The following MATN1 variants were observed in gnomAD, a reference collection of about 807,000 sequenced individuals.
MATN1 encodes the protein matrilin-1.
A neutral mutation model predicts 41.3 loss-of-function variants in MATN1; 34 were observed. The ratio of observed to expected loss-of-function variants is 0.82; its 90% CI spans 0.63 to 1.10. The LOEUF is 1.10. MATN1 is among the 50% of genes least tolerant of loss of function. The pLI is 0.00. For synonymous variants in MATN1, 264 were observed against 278.7 expected, an observed-to-expected ratio of 0.95 and a Z score of 0.53; for missense variants, 602 against 662.4, an observed-to-expected ratio of 0.91 and a Z score of 1.00.
chr1:30,711,861 G>A lies in MATN1; in HGVS notation c.*1721C>T, dbSNP rs978389693. 5 of 152,336 alleles carry A rather than the reference G, an allele frequency of 3.3e-5. No individual in the cohort carries two copies. Among genetic ancestry groups the A allele is most frequent in the Admixed American group, 1.3e-4 (2 of 15,290 alleles). The allele number at this position is 152,336 out of a possible 1,614,324, so 9.4% of individuals were successfully genotyped here. On this transcript the variant is annotated 3_prime_UTR_variant, in exon 8 of 8. Coordinates refer to ENST00000373765, the MANE Select transcript of MATN1 (RefSeq NM_002379.3). ...GAATGAGCAGAGTCATAACTTCTCAGGTGGCTGTGTCAAGGAGCCTCCTTG... is the reference window on the plus strand; with the variant it reads ...GAATGAGCAGAGTCATAACTTCTCAAGTGGCTGTGTCAAGGAGCCTCCTTG...
At chr1:30,722,830 A>C (rs890497290) in intron 1 of MATN1, among the ~76,000 whole-genome samples, 1 of 152,218 alleles carries the variant, frequency 6.6e-6, no homozygotes, top group African/African-American at 2.4e-5. Context: ...ACCATGCAGC[A>C]GGCTCCCTGC....
At chr1:30,719,975 T>C (rs1396692711) in intron 2 of MATN1, 2 of 152,388 alleles carry the variant, frequency 1.3e-5, no homozygotes, top group African/African-American at 4.8e-5. Context: ...GACTCCTGGT[T>C]AGAAGCCAGA....
At position 30,713,555 on chromosome 1, in the gene MATN1, G is replaced by A; in HGVS notation, c.*27C>T. On this transcript the variant is annotated 3_prime_UTR_variant, in exon 8 of 8. Coordinates refer to ENST00000373765, the MANE Select transcript of MATN1 (RefSeq NM_002379.3). ...ACGGCGGACACGTGCAGGACGCTTGGAGAGGCCACAGTGGTGACAGGCAGC... is the reference window on the plus strand; with the variant it reads ...ACGGCGGACACGTGCAGGACGCTTGAAGAGGCCACAGTGGTGACAGGCAGC... The A allele has an allele frequency of 1.3e-6, 2 of 1,552,222 alleles. No homozygotes were observed. Among genetic ancestry groups the A allele is most frequent in the Non-Finnish European group, 1.7e-6 (2 of 1,147,108 alleles).
chr1:30,715,521 T>C (rs1475811220), intron 5 of MATN1, among the ~76,000 whole-genome samples: 1 of 152,246 alleles, frequency 6.6e-6, no homozygotes, highest in East Asian at 1.9e-4. Flanking sequence ...CTTCCTGTAC[T>C]GGAAGCTTTG....
chr1:30,717,047 G>T (rs1639627603), intron 3 of MATN1, 132 bp from the exon 4 acceptor site: 1 of 1,038,956 alleles, frequency 9.6e-7, no homozygotes, highest in Non-Finnish European at 1.3e-6. Context: ...AACATACTGG[G>T]GCCCAGGCCC....
rs1639543231 is a variant in MATN1, at chr1:30,711,529, C to T, written c.*2053G>A. ...GGCAAGAGTTTGGGATTGAAAGATC[C>T]CAAGAAGCTGGTCCCTGCCTTCATC... On this transcript the variant is annotated 3_prime_UTR_variant, in exon 8 of 8. Coordinates refer to ENST00000373765, the MANE Select transcript of MATN1 (RefSeq NM_002379.3). 1 of 152,152 alleles carries T rather than the reference C, an allele frequency of 6.6e-6. No individual in the cohort carries two copies. The highest frequency in any genetic ancestry group is 1.5e-5 in the Non-Finnish European group (1 of 68,044). The allele number at this position is 152,152 out of a possible 1,614,324, so 9.4% of individuals were successfully genotyped here.
At position 30,716,865 on chromosome 1, in the gene MATN1, T is replaced by A. The variant is rs150581338; in HGVS notation, c.715A>T (p.Ile239Phe). ...TGDHDCEQVC[I>F]SSPGSYTCAC... The stretch of plus-strand genomic sequence containing the variant: ...CAGGTGTAGGAACCGGGGGAGCTGA[T>A]GCACACCTGCTCACAGTCATGGTCC... Residue 239 changes from isoleucine to phenylalanine, a missense_variant, in exon 4 of 8, where the codon ATC (isoleucine) becomes TTC (phenylalanine). Ile to Phe is a conservative substitution (Grantham distance 21). Coordinates refer to ENST00000373765, the MANE Select transcript of MATN1 (RefSeq NM_002379.3). 37 of 1,613,824 alleles carry A rather than the reference T, an allele frequency of 2.3e-5. No individual in the cohort carries two copies. In the African/African-American group the frequency reaches 4.9e-4, roughly 22 times the overall value.
At chr1:30,722,097 A>G (rs1174339966) in intron 1 of MATN1, among the ~76,000 whole-genome samples, 1 of 152,206 alleles carries the variant, frequency 6.6e-6, no homozygotes, top group Non-Finnish European at 1.5e-5. Flanking sequence ...AGCAATGAGT[A>G]TTCCAGGGGT....
At chr1:30,717,942 C>G (rs1246078732) in intron 3 of MATN1, among the ~76,000 whole-genome samples, 1 of 152,164 alleles carries the variant, frequency 6.6e-6, no homozygotes, top group Non-Finnish European at 1.5e-5. Context: ...CGTGAGCCAC[C>G]GCGCCCGGCC....
chr1:30,714,434 G>T, intron 6 of MATN1, 107 bp from the exon 7 acceptor site: 1 of 880,658 alleles, frequency 1.1e-6, no homozygotes, highest in Non-Finnish European at 1.9e-6. Flanking sequence ...TCCCGGGGAG[G>T]TGAGGGGCTT....
In MATN1 at chr1:30,721,752, C is replaced by T. The variant is rs1639698828; in HGVS notation, c.95-1G>A. ...GTGGGCCGCGTCCGGCAGAGATGGCCTGGGAGTGGGGCAGGAGGGGTAAGG... is the reference window on the plus strand; with the variant it reads ...GTGGGCCGCGTCCGGCAGAGATGGCTTGGGAGTGGGGCAGGAGGGGTAAGG... On this transcript the variant is annotated splice_acceptor_variant, in intron 1 of 7. Coordinates refer to ENST00000373765, the MANE Select transcript of MATN1 (RefSeq NM_002379.3). LOFTEE classifies it high-confidence loss of function. 23 of 1,605,962 alleles carry T rather than the reference C, an allele frequency of 1.4e-5. 1 individual carries two copies. The East Asian group carries it at 4.2e-4, about 30-fold the overall frequency.
rs546771525 is a variant in MATN1, at chr1:30,711,739, C to G, written c.*1843G>C. On this transcript the variant is annotated 3_prime_UTR_variant, in exon 8 of 8. Coordinates refer to ENST00000373765, the MANE Select transcript of MATN1 (RefSeq NM_002379.3). ...CCCTCTCCTCCTCCTTGGGGACACA[C>G]TGCTGAGCCTTCTCAGTCCATATCA... 1 of 152,422 alleles carries G rather than the reference C, an allele frequency of 6.6e-6. No individual in the cohort carries two copies. The highest frequency in any genetic ancestry group is 1.9e-4 in the East Asian group (1 of 5,188). 9.4% of individuals were successfully genotyped at this position (152,422 alleles called of 1,614,324 possible).
chr1:30,713,265 A>C lies in MATN1; in HGVS notation c.*317T>G. The C allele has an allele frequency of 2.6e-6, 1 of 381,416 alleles. No individual in the cohort carries two copies. Among genetic ancestry groups the C allele is most frequent in the African/African-American group, 2.0e-5 (1 of 50,252 alleles). 23.6% of individuals were successfully genotyped at this position (381,416 alleles called of 1,614,324 possible). A position where few individuals can be genotyped will look rare whatever the true frequency, so the allele number is the denominator to read the frequency against. On this transcript the variant is annotated 3_prime_UTR_variant, in exon 8 of 8. Transcript: ENST00000373765. ...GGTTAACTAAAAAAGATGGGAATATATTAAGCTTTTGATTATAAAAATGCA... is the reference window on the plus strand; with the variant it reads ...GGTTAACTAAAAAAGATGGGAATATCTTAAGCTTTTGATTATAAAAATGCA...
At chr1:30,715,371 C>T (rs971634434) in intron 5 of MATN1, 62 bp from the exon 6 acceptor site, 2 of 1,577,044 alleles carry the variant, frequency 1.3e-6, no homozygotes, top group Non-Finnish European at 1.7e-6. Context: ...ATGGCTGAGC[C>T]TCCTGGGGAA....
rs1405055472 is a variant in MATN1, at chr1:30,714,255, G to T, written c.1433C>A (p.Thr478Asn). 1 of 1,606,116 alleles carries T rather than the reference G, an allele frequency of 6.2e-7. No individual in the cohort carries two copies. The highest frequency in any genetic ancestry group is 8.5e-7 in the Non-Finnish European group (1 of 1,176,208). Residue 478 changes from threonine (T) to asparagine (N), a missense_variant, in exon 7 of 8, where the codon ACC becomes AAC. Transcript: ENST00000373765. Reference protein sequence around the residue: ...AKVEGLLQALTRKLEAVSKRL... With the variant: ...AKVEGLLQALNRKLEAVSKRL... ...CCTCTGGGAAGGGATATGTTTCCTG[G>T]TCAGGGCCTGCAGCAGCCCCTCCAC...
intron 1 of MATN1, among the ~76,000 whole-genome samples, 186 bp from the exon 2 acceptor site, chr1:30,721,937 C>T (rs74765249): frequency 0.21 from 32,490 of 152,196 alleles, 3,926 homozygotes; most frequent in Non-Finnish European, 0.28. Flanking sequence ...TTGCCAAAGG[C>T]CCCCTGCTCA....
At chr1:30,715,552 C>A (rs1313962193) in intron 5 of MATN1, among the ~76,000 whole-genome samples, 1 of 152,174 alleles carries the variant, frequency 6.6e-6, no homozygotes, top group Non-Finnish European at 1.5e-5. Flanking sequence ...TTCATTTAAC[C>A]CTAATAATCA....
At chr1:30,719,514 C>G (rs1175781146) in intron 2 of MATN1, 1 of 153,642 alleles carries the variant, frequency 6.5e-6, no homozygotes, top group African/African-American at 2.4e-5. Flanking sequence ...CATGTGGATG[C>G]CCAAGGGACC....
rs191440822 is a variant in MATN1, at chr1:30,712,343, G to A, written c.*1239C>T. The A allele has an allele frequency of 1.1e-3, 163 of 152,458 alleles. No homozygotes were observed. Among genetic ancestry groups the A allele is most frequent in the African/African-American group, 3.8e-3 (156 of 41,544 alleles). 9.4% of individuals were successfully genotyped at this position (152,458 alleles called of 1,614,324 possible). A position where few individuals can be genotyped will look rare whatever the true frequency, so the allele number is the denominator to read the frequency against. Reference sequence around the variant, plus strand: ...CTGGAGGAAGGGAACATGGGGCCAGGAGTCTTTCTCTTGTGCAGTCTCTGA... The same window carrying A: ...CTGGAGGAAGGGAACATGGGGCCAGAAGTCTTTCTCTTGTGCAGTCTCTGA... On this transcript the variant is annotated 3_prime_UTR_variant, in exon 8 of 8. Transcript: ENST00000373765.
Sources: allele counts gnomAD v4.1 joint callset (sites outside exome capture counted in the v4.1 genomes callset), GRCh38; gene constraint gnomAD v4.1.1; transcripts MANE v1.5; gene names NCBI Gene and HGNC (gene_info 2026-07-23, HGNC 2026-07-21).